PTER: variants seen among roughly 807,000 people sequenced by gnomAD.
The protein encoded by PTER is N-acetyltaurine hydrolase.
Under a neutral mutation model 29.6 loss-of-function variants are expected in PTER, and 38 were observed. The observed-to-expected ratio is 1.28, with a 90% confidence interval of 0.99 to 1.68. PTER has a LOEUF of 1.68. Ranked by LOEUF, PTER falls within the 40% of genes most tolerant of loss-of-function variation. The pLI is 0.00. For missense variants in PTER, 482 were observed against 427.8 expected (o/e 1.13, Z -1.12); for synonymous variants, 172 against 154.5 (o/e 1.11, Z -0.84).
intron 3 of PTER, among the ~76,000 whole-genome samples, chr10:16,501,324 TA>T (rs1836329673): frequency 3.0e-5 from 4 of 131,630 alleles, no homozygotes; most frequent in East Asian, 4.4e-4. Context: ...AAAAAATGAA[TA>T]ACTACACACA....
At chr10:16,497,834 C>T (rs1302955898) in intron 3 of PTER, among the ~76,000 whole-genome samples, 1 of 152,164 alleles carries the variant, frequency 6.6e-6, no homozygotes, top group Non-Finnish European at 1.5e-5. Context: ...ATAGAATCAC[C>T]TGTCTTGCAT....
chr10:16,441,410 A>G (rs1833845090), intron 1 of PTER, among the ~76,000 whole-genome samples: 1 of 152,158 alleles, frequency 6.6e-6, no homozygotes, highest in African/African-American at 2.4e-5. Flanking sequence ...TTCAAAGAGT[A>G]TTTTAAATAT....
At chr10:16,499,658 G>T (rs76377108) in intron 3 of PTER, among the ~76,000 whole-genome samples, 9,735 of 151,930 alleles carry the variant, frequency 0.064, 372 homozygotes, top group East Asian at 0.13. Flanking sequence ...TGCCCAAGCT[G>T]GTCTGGAATT....
chr10:16,465,800 GC>G (rs2133403058), intron 1 of PTER, among the ~76,000 whole-genome samples: 1 of 152,254 alleles, frequency 6.6e-6, no homozygotes, highest in African/African-American at 2.4e-5. Flanking sequence ...GGCTGGGGAG[GC>G]CTCAGGAAAC....
At position 16,511,069 on chromosome 10, in the gene PTER, G is replaced by C. The variant is rs1464749029; in HGVS notation, c.863G>C (p.Gly288Ala). 1 of 1,613,572 alleles carries C rather than the reference G, an allele frequency of 6.2e-7. No individual in the cohort carries two copies. The highest frequency in any genetic ancestry group is 8.5e-7 in the Non-Finnish European group (1 of 1,179,786). The change falls in exon 5 of 5, where the codon GGC (glycine) becomes GCC (alanine). Residue 288 changes from glycine to alanine, a missense_variant. Transcript: ENST00000535784. ...IRRVRLLVEE[G>A]CEDRILVAHD... ...AGGGTGCGTCTCCTGGTGGAAGAGG[G>C]CTGTGAAGATCGAATTCTGGTAGCA...
intron 1 of PTER, among the ~76,000 whole-genome samples, chr10:16,452,670 G>A (rs1834257030): frequency 6.6e-6 from 1 of 150,692 alleles, no homozygotes; most frequent in Admixed American, 6.6e-5. Context: ...TGCTGCTGCT[G>A]ATGATGATTC....
intron 1 of PTER, among the ~76,000 whole-genome samples, chr10:16,476,473 T>C (rs368906611): frequency 6.6e-6 from 1 of 152,172 alleles, no homozygotes. Context: ...TATTCCAGTT[T>C]TCAAGTGAGG....
At chr10:16,473,475 G>T (rs953478277) in intron 1 of PTER, among the ~76,000 whole-genome samples, 3 of 120,832 alleles carry the variant, frequency 2.5e-5, no homozygotes, top group Non-Finnish European at 4.8e-5. Context: ...AGCCGAAATC[G>T]CACCACTGCA....
intron 3 of PTER, among the ~76,000 whole-genome samples, chr10:16,496,475 A>G (rs1266780513): frequency 6.6e-6 from 1 of 152,132 alleles, no homozygotes; most frequent in Admixed American, 6.5e-5. Context: ...CACACATGCT[A>G]TTCTCTCTGC....
intron 1 of PTER, among the ~76,000 whole-genome samples, chr10:16,473,201 T>G (rs1348503724): frequency 6.6e-6 from 1 of 152,066 alleles, no homozygotes; most frequent in Non-Finnish European, 1.5e-5. Context: ...AAACACTAGA[T>G]ACTATGTAAC....
chr10:16,484,070 A>T (rs773393068), intron 1 of PTER, among the ~76,000 whole-genome samples: 11 of 152,180 alleles, frequency 7.2e-5, no homozygotes, highest in Non-Finnish European at 1.6e-4. Context: ...ATATCAAAGA[A>T]TATTTCCAGT....
chr10:16,474,579 G>A (rs1353491312), intron 1 of PTER, among the ~76,000 whole-genome samples: 3 of 151,954 alleles, frequency 2.0e-5, no homozygotes, highest in Non-Finnish European at 2.9e-5. Context: ...ATATAGCCTG[G>A]GTGGCTTACC....
At chr10:16,503,683 G>T (rs1370396120) in intron 3 of PTER, among the ~76,000 whole-genome samples, 1 of 151,926 alleles carries the variant, frequency 6.6e-6, no homozygotes, top group Non-Finnish European at 1.5e-5. Flanking sequence ...TGGGATTACA[G>T]GTGTGAGCCA....
chr10:16,490,741 AAAG>A lies in PTER; in HGVS notation c.698+4131_698+4133del, dbSNP rs1239543315. Among the ~76,000 whole-genome samples, 3 of 150,828 alleles carry A rather than the reference AAAG, an allele frequency of 2.0e-5. No individual in the cohort carries two copies. In the Admixed American group the frequency reaches 2.0e-4, roughly 10 times the overall value. On this transcript the variant is annotated intron_variant, in intron 3 of 4. Transcript: ENST00000535784. The stretch of plus-strand genomic sequence containing the variant: ...TTGAAACTGGCTCAAGATGATTCGT[AAAG>A]AAGAAGCTTTCTATCTCCATCTATT...
At chr10:16,493,767 A>G (rs1370170523) in intron 3 of PTER, among the ~76,000 whole-genome samples, 1 of 152,200 alleles carries the variant, frequency 6.6e-6, no homozygotes, top group East Asian at 1.9e-4. Context: ...GGAAACAGAA[A>G]GAAATCCAGG....
downstream of PTER, chr10:16,514,381 G>C: frequency 1.5e-6 from 1 of 646,948 alleles, no homozygotes; most frequent in Non-Finnish European, 2.7e-6. Context: ...GAGTGATACA[G>C]ATGTGAGTCA....
At chr10:16,501,351 ACACACACACACACACACATG>A (rs1221704857) in intron 3 of PTER, among the ~76,000 whole-genome samples, 21 of 124,068 alleles carry the variant, frequency 1.7e-4, no homozygotes, top group African/African-American at 5.5e-4. Flanking sequence ...ACACACACAC[ACACACACACACACACACATG>A]CACACACACA....
At chr10:16,456,697 G>A (rs1379575099) in intron 1 of PTER, among the ~76,000 whole-genome samples, 1 of 152,104 alleles carries the variant, frequency 6.6e-6, no homozygotes, top group Non-Finnish European at 1.5e-5. Flanking sequence ...ACCTGTTCTT[G>A]CTCTCTTCTT....
At chr10:16,506,693 G>T (rs1836581897) in intron 4 of PTER, among the ~76,000 whole-genome samples, 1 of 152,042 alleles carries the variant, frequency 6.6e-6, no homozygotes, top group South Asian at 2.1e-4. Flanking sequence ...TCTTAGTGAG[G>T]GAAACAGGAG....
Sources: gnomAD v4.1 joint callset for allele counts (sites outside exome capture counted in the v4.1 genomes callset) on GRCh38, gnomAD v4.1.1 for gene constraint, MANE v1.5 for transcripts, NCBI Gene and HGNC (gene_info 2026-07-23, HGNC 2026-07-21) for gene names.